Variants in ANKS1B observed in about 807,000 individuals in gnomAD.
ANKS1B encodes ankyrin repeat and sterile alpha motif domain containing 1B.
A neutral mutation model predicts 148.3 loss-of-function variants in ANKS1B; 36 were observed. The ratio of observed to expected loss-of-function variants is 0.24; its 90% confidence interval spans 0.19 to 0.32. ANKS1B has a LOEUF of 0.32. Ranked by LOEUF, ANKS1B falls within the 10% of genes least tolerant of loss-of-function variation. ANKS1B has a pLI of 1.00. For missense variants in ANKS1B, 1,157 were observed against 1,542.6 expected (o/e 0.75, Z 4.19); for synonymous variants, 542 against 560.8 (o/e 0.97, Z 0.47).
At chr12:98,790,607 G>A (rs2098839938) in intron 22 of ANKS1B, among the ~76,000 whole-genome samples, 1 of 152,178 alleles carries the variant, frequency 6.6e-6, no homozygotes, top group African/African-American at 2.4e-5. Flanking sequence ...ACAGGTGTGA[G>A]CCACCTTGCT....
intron 10 of ANKS1B, 128 bp from the exon 11 acceptor site, chr12:99,443,937 G>A (rs902115912): frequency 2.8e-6 from 3 of 1,064,802 alleles, no homozygotes; most frequent in South Asian, 1.6e-5. Context: ...AGATCATAAT[G>A]AGGAATATGC....
At chr12:99,127,524 T>C (rs189380995) in intron 15 of ANKS1B, among the ~76,000 whole-genome samples, 53 of 152,352 alleles carry the variant, frequency 3.5e-4, no homozygotes, top group Admixed American at 3.4e-3. Context: ...TGAAAACTTA[T>C]AAAAGTGTAA....
chr12:99,978,464 C>T (rs775247408), intron 1 of ANKS1B, among the ~76,000 whole-genome samples: 9 of 152,218 alleles, frequency 5.9e-5, no homozygotes, highest in Non-Finnish European at 1.3e-4. Context: ...GCTCCCTGAA[C>T]ATAATGGTGC....
At chr12:99,015,094 A>G (rs955464063) in intron 17 of ANKS1B, among the ~76,000 whole-genome samples, 8 of 152,216 alleles carry the variant, frequency 5.3e-5, no homozygotes, top group African/African-American at 1.9e-4. Flanking sequence ...TTGCAGCACT[A>G]TTCATAATAG....
chr12:99,896,331 C>T (rs1159305106), intron 1 of ANKS1B, among the ~76,000 whole-genome samples: 1 of 151,326 alleles, frequency 6.6e-6, no homozygotes, highest in African/African-American at 2.4e-5. Flanking sequence ...TTAGATCCTA[C>T]AAATAAGTGA....
At chr12:99,751,233 A>C (rs946308492) in intron 8 of ANKS1B, among the ~76,000 whole-genome samples, 3 of 152,060 alleles carry the variant, frequency 2.0e-5, no homozygotes, top group Admixed American at 6.6e-5. Context: ...AAAAAGATTT[A>C]ATTGGCCAAA....
chr12:99,722,747 A>G (rs1435162863), intron 8 of ANKS1B, among the ~76,000 whole-genome samples: 2 of 152,232 alleles, frequency 1.3e-5, no homozygotes, highest in Non-Finnish European at 2.9e-5. Flanking sequence ...CAACTAGCCA[A>G]CAAGAAGCAG....
intron 12 of ANKS1B, among the ~76,000 whole-genome samples, chr12:99,329,702 T>G (rs1006433685): frequency 3.3e-5 from 5 of 152,030 alleles, no homozygotes; most frequent in Middle Eastern, 3.4e-3. Flanking sequence ...GCATTTCTTA[T>G]ATTATTAATA....
intron 9 of ANKS1B, among the ~76,000 whole-genome samples, chr12:99,523,753 C>T (rs1035451105): frequency 2.0e-5 from 3 of 151,926 alleles, no homozygotes; most frequent in Non-Finnish European, 2.9e-5. Context: ...AGGGTCTCAC[C>T]CTGTTAGCCA....
chr12:99,672,808 A>G (rs971594024), intron 8 of ANKS1B, among the ~76,000 whole-genome samples: 3 of 152,188 alleles, frequency 2.0e-5, no homozygotes, highest in Non-Finnish European at 2.9e-5. Flanking sequence ...ATCATAGTTT[A>G]ATAATCTTTG....
chr12:99,295,070 C>T (rs1390898349), intron 12 of ANKS1B, among the ~76,000 whole-genome samples: 1 of 152,172 alleles, frequency 6.6e-6, no homozygotes, highest in Non-Finnish European at 1.5e-5. Context: ...CCCATAAATA[C>T]ATACATGCAC....
chr12:99,950,154 T>C (rs1041792282), intron 1 of ANKS1B, among the ~76,000 whole-genome samples: 4 of 138,238 alleles, frequency 2.9e-5, no homozygotes, highest in African/African-American at 1.1e-4. Context: ...AGAGACGAGC[T>C]CTGTCTGTGT....
rs117927281 is a variant in ANKS1B, at chr12:99,958,957, G to A, written c.134+25147C>T. Among the ~76,000 whole-genome samples, 54 of 152,140 alleles carry A rather than the reference G, an allele frequency of 3.5e-4. No homozygotes were observed. In the East Asian group the frequency reaches 8.1e-3, roughly 23 times the overall value. ...GAGGAGATGTTCAATAGGACACCGG[G>A]GATAACATGTCTAGCGTGCAGGAGA... On this transcript the variant is annotated intron_variant, in intron 1 of 26. Transcript: ENST00000683438.
chr12:99,777,088 C>T (rs552909799), intron 6 of ANKS1B, among the ~76,000 whole-genome samples: 2 of 152,310 alleles, frequency 1.3e-5, no homozygotes, highest in East Asian at 1.9e-4. Flanking sequence ...TCTGCCAAAG[C>T]GTTCAGCCCA....
At chr12:99,095,278 G>T (rs1438432965) in intron 15 of ANKS1B, among the ~76,000 whole-genome samples, 1 of 152,162 alleles carries the variant, frequency 6.6e-6, no homozygotes, top group East Asian at 1.9e-4. Flanking sequence ...CCACTGCAGA[G>T]GCTGGATAAG....
chr12:98,968,163 C>A (rs2099880137), intron 17 of ANKS1B, among the ~76,000 whole-genome samples: 1 of 152,040 alleles, frequency 6.6e-6, no homozygotes, highest in African/African-American at 2.4e-5. Context: ...TGGGATCTGG[C>A]AGTGATCTTT....
intron 14 of ANKS1B, among the ~76,000 whole-genome samples, chr12:99,218,268 C>T (rs2084547637): frequency 6.6e-6 from 1 of 152,154 alleles, no homozygotes; most frequent in African/African-American, 2.4e-5. Context: ...GACATTTCTC[C>T]CTAAGTCCTC....
At chr12:99,149,356 C>T (rs539257771) in intron 15 of ANKS1B, among the ~76,000 whole-genome samples, 5 of 152,258 alleles carry the variant, frequency 3.3e-5, no homozygotes, top group African/African-American at 1.2e-4. Flanking sequence ...TCCAAGAGCT[C>T]TGTGGTTCCA....
intron 4 of ANKS1B, among the ~76,000 whole-genome samples, chr12:99,804,973 G>A (rs1435766395): frequency 6.6e-6 from 1 of 152,030 alleles, no homozygotes; most frequent in Non-Finnish European, 1.5e-5. Context: ...GCCAGCCTCT[G>A]AAACAGAAAC....
Sources: gnomAD v4.1 joint callset for allele counts (sites outside exome capture counted in the v4.1 genomes callset) on GRCh38, gnomAD v4.1.1 for gene constraint, MANE v1.5 for transcripts, NCBI Gene and HGNC (gene_info 2026-07-23, HGNC 2026-07-21) for gene names.